The following TMPO variants were observed in gnomAD, a reference collection of about 807,000 sequenced individuals.
TMPO encodes the protein thymopoietin, also known as LEM domain containing 4.
In TMPO, 22 loss-of-function variants were observed where a neutral mutation model predicts 45.4. The observed-to-expected ratio is 0.48, with a 90% confidence interval of 0.35 to 0.69. TMPO has a LOEUF of 0.69. Ranked by LOEUF, TMPO falls within the 30% of genes least tolerant of loss-of-function variation. The pLI is 0.01. For missense variants in TMPO, 512 were observed against 548.8 expected (o/e 0.93, Z 0.67); for synonymous variants, 241 against 204.1 (o/e 1.18, Z -1.54).
At chr12:98,518,630 T>G (rs1415214200) in intron 1 of TMPO, among the ~76,000 whole-genome samples, 4 of 152,048 alleles carry the variant, frequency 2.6e-5, no homozygotes, top group Non-Finnish European at 5.9e-5. Context: ...TTTAATGTTT[T>G]CCTATCAGCC....
At chr12:98,543,448 TAAG>T (rs1878045618) in intron 4 of TMPO, among the ~76,000 whole-genome samples, 1 of 152,244 alleles carries the variant, frequency 6.6e-6, no homozygotes, top group African/African-American at 2.4e-5. Context: ...CATTACAATT[TAAG>T]AAGAACTGAT....
intron 1 of TMPO, among the ~76,000 whole-genome samples, chr12:98,524,059 G>C (rs1260669198): frequency 6.6e-6 from 1 of 152,148 alleles, no homozygotes; most frequent in Non-Finnish European, 1.5e-5. Flanking sequence ...TCCTTCCCCA[G>C]ATTTGACAAA....
intron 3 of TMPO, chr12:98,534,248 C>G (rs1877424792): frequency 1.2e-6 from 2 of 1,613,776 alleles, no homozygotes; most frequent in Non-Finnish European, 8.5e-7. Flanking sequence ...AATTTAGCTT[C>G]TAAGAATAAG....
At chr12:98,524,054 C>T (rs945415690) in intron 1 of TMPO, among the ~76,000 whole-genome samples, 4 of 152,140 alleles carry the variant, frequency 2.6e-5, no homozygotes, top group African/African-American at 9.7e-5. Context: ...CTTTTTCCTT[C>T]CCCAGATTTG....
intron 3 of TMPO, 81 bp downstream of exon 3, chr12:98,531,919 T>G: frequency 8.4e-7 from 1 of 1,197,322 alleles, no homozygotes; most frequent in Non-Finnish European, 1.2e-6. Flanking sequence ...AAGTAAAATT[T>G]AAAACAATAT....
chr12:98,533,866 G>A (rs904502925), intron 3 of TMPO: 1 of 1,614,212 alleles, frequency 6.2e-7, no homozygotes, highest in East Asian at 2.2e-5. Context: ...TCCAAAAGTA[G>A]ATGATGAAAT....
chr12:98,528,529 G>A (rs867299897), intron 2 of TMPO, among the ~76,000 whole-genome samples: 56 of 152,042 alleles, frequency 3.7e-4, no homozygotes, highest in African/African-American at 1.3e-3. Context: ...CGCCTGCCTC[G>A]GCCTCCCAAA....
In TMPO at chr12:98,544,638, G is replaced by T. The variant is rs1257166843; in HGVS notation, c.879+101G>T. 2.3e-4 allele frequency: 179 copies of T among 763,722 alleles called. No individual in the cohort carries two copies. In the East Asian group the frequency reaches 2.6e-3, roughly 11 times the overall value. The allele number at this position is 763,722 out of a possible 1,614,324, so 47.3% of individuals were successfully genotyped here. The stretch of plus-strand genomic sequence containing the variant: ...ATTTTGGCAAATCTCAAATTTACAT[G>T]TTTTTTTTTTTTAACAATTTTAAAC... On this transcript the variant is annotated intron_variant, in intron 6 of 8. Coordinates refer to ENST00000556029, the MANE Select transcript of TMPO (RefSeq NM_001032283.3).
Position 98,516,093 on chromosome 12 carries a change from GTCCTCGGCTCT to G in TMPO, c.227_237del (p.Val76GlyfsTer21). The G allele has an allele frequency of 6.3e-7, 1 of 1,585,220 alleles. No individual in the cohort carries two copies. The highest frequency in any genetic ancestry group is 8.5e-7 in the Non-Finnish European group (1 of 1,170,430). ...TGACGAAGAGCGCGAGCCCACCCCG[GTCCTCGGCTCT>G]GGGGCCGCCGCCGCGGGCCGGAGCC... On this transcript the variant is annotated frameshift_variant, in exon 1 of 9. Transcript: ENST00000556029. LOFTEE classifies it high-confidence loss of function.
chr12:98,538,585 T>C (rs560340198), intron 4 of TMPO, among the ~76,000 whole-genome samples: 1 of 152,244 alleles, frequency 6.6e-6, no homozygotes, highest in African/African-American at 2.4e-5. Context: ...ACTCCTGACC[T>C]CAGGTGATCC....
intron 2 of TMPO, among the ~76,000 whole-genome samples, chr12:98,528,653 AT>A (rs1287233913): frequency 2.7e-5 from 4 of 150,494 alleles, no homozygotes; most frequent in Non-Finnish European, 5.9e-5. Context: ...AGCTGGGCAA[AT>A]TTGCCCAAAT....
chr12:98,522,421 A>C (rs549438969), intron 1 of TMPO, among the ~76,000 whole-genome samples: 2 of 152,230 alleles, frequency 1.3e-5, no homozygotes, highest in Non-Finnish European at 2.9e-5. Flanking sequence ...ACCACTGTAT[A>C]ATAAGGTGTT....
At chr12:98,547,520 A>C (rs1878297450) in intron 8 of TMPO, 53 bp from the exon 9 acceptor site, 1 of 1,606,198 alleles carries the variant, frequency 6.2e-7, no homozygotes, top group African/African-American at 1.3e-5. Flanking sequence ...TATTTCTCTA[A>C]ATCATGCCTT....
At chr12:98,535,437 C>G in intron 3 of TMPO, 6 of 985,322 alleles carry the variant, frequency 6.1e-6, no homozygotes, top group Non-Finnish European at 7.2e-6. Context: ...AATATGGTCT[C>G]TTGGGTACTC....
At chr12:98,530,937 T>C (rs1397943991) in intron 2 of TMPO, among the ~76,000 whole-genome samples, 2 of 152,210 alleles carry the variant, frequency 1.3e-5, no homozygotes, top group Non-Finnish European at 2.9e-5. Context: ...TTAAAAGAAA[T>C]GTCATTTCCC....
At chr12:98,524,730 A>T (rs1161428308) in intron 1 of TMPO, among the ~76,000 whole-genome samples, 2 of 152,106 alleles carry the variant, frequency 1.3e-5, no homozygotes, top group Non-Finnish European at 2.9e-5. Context: ...GGTAGCTGGG[A>T]TTACAGGCAT....
Position 98,550,100 on chromosome 12 carries a change from A to G in TMPO, c.*2242A>G, listed in dbSNP as rs1305439414. 6.6e-6 allele frequency: 1 copy of G among 152,236 alleles called. No homozygotes were observed. Among genetic ancestry groups the G allele is most frequent in the Admixed American group, 6.5e-5 (1 of 15,284 alleles). 9.4% of individuals were successfully genotyped at this position (152,236 alleles called of 1,614,324 possible). A position where few individuals can be genotyped will look rare whatever the true frequency, so the allele number is the denominator to read the frequency against. Reference sequence around the variant, plus strand: ...CAGACTTAACATGTATGTAAGATCAATTCACTTAAAAGTATGGTCCAAATA... The same window carrying G: ...CAGACTTAACATGTATGTAAGATCAGTTCACTTAAAAGTATGGTCCAAATA... On this transcript the variant is annotated 3_prime_UTR_variant, in exon 9 of 9. Transcript: ENST00000556029.
chr12:98,546,236 C>T (rs1271027060), intron 7 of TMPO, 123 bp from the exon 8 acceptor site: 7 of 727,290 alleles, frequency 9.6e-6, no homozygotes, highest in African/African-American at 1.8e-5. Flanking sequence ...GAAATGGCAG[C>T]TGTAAAATCT....
Position 98,547,816 on chromosome 12 carries a change from C to G in TMPO, c.1323C>G (p.Pro441=). ...YQAMETNQVN[P]FSNFLHVDPR... Reference sequence around the variant, plus strand: ...CTATGGAAACCAACCAAGTAAATCCCTTCTCTAATTTTCTTCATGTTGACC... The same window carrying G: ...CTATGGAAACCAACCAAGTAAATCCGTTCTCTAATTTTCTTCATGTTGACC... Residue 441 remains proline (P), a synonymous_variant, in exon 9 of 9, where the codon CCC becomes CCG. Transcript: ENST00000556029. 6.2e-7 allele frequency: 1 copy of G among 1,613,986 alleles called. No individual in the cohort carries two copies. Among genetic ancestry groups the G allele is most frequent in the South Asian group, 1.1e-5 (1 of 91,016 alleles).
Sources: allele counts gnomAD v4.1 joint callset (sites outside exome capture counted in the v4.1 genomes callset), GRCh38; gene constraint gnomAD v4.1.1; transcripts MANE v1.5; gene names NCBI Gene and HGNC (gene_info 2026-07-23, HGNC 2026-07-21).